BCAS3: variants seen among roughly 807,000 people sequenced by gnomAD.
The protein encoded by BCAS3 is BCAS4/BCAS3 fusion.
BCAS3 carries 53 observed loss-of-function variants against 116.1 expected under a neutral mutation model. The observed-to-expected ratio is 0.46, with a 90% confidence interval of 0.37 to 0.57. BCAS3 has a LOEUF of 0.57. Among genes scored for constraint, BCAS3 ranks in the 20% least tolerant of loss-of-function variants. The pLI, the probability that BCAS3 is intolerant of heterozygous loss-of-function variation, is 0.00. For missense variants in BCAS3, 917 were observed against 1,165.4 expected, an observed-to-expected ratio of 0.79 and a Z score of 3.10; for synonymous variants, 391 against 408.2, an observed-to-expected ratio of 0.96 and a Z score of 0.51.
At chr17:61,335,094 G>A (rs925722973) in intron 22 of BCAS3, among the ~76,000 whole-genome samples, 3 of 152,226 alleles carry the variant, frequency 2.0e-5, no homozygotes, top group Non-Finnish European at 4.4e-5. Context: ...CCAGCTTTCA[G>A]CCTGGTGTCA....
chr17:60,707,229 G>A (rs2143989102), intron 4 of BCAS3, among the ~76,000 whole-genome samples: 1 of 152,122 alleles, frequency 6.6e-6, no homozygotes. Flanking sequence ...CCGACCTCAG[G>A]TGATCTGCCT....
At chr17:61,137,639 C>T (rs1029387896) in intron 22 of BCAS3, among the ~76,000 whole-genome samples, 20 of 152,188 alleles carry the variant, frequency 1.3e-4, no homozygotes, top group African/African-American at 4.8e-4. Flanking sequence ...CGTGGTGGCA[C>T]ACGCCTGTAA....
At position 61,088,836 on chromosome 17, in the gene BCAS3, C is replaced by T. The variant is rs188929579; in HGVS notation, c.2425+4272C>T. ...ATGCAGAGCAGACATCTTTATCAAA[C>T]TCTATTAAAGAAAACATTTTATAAA... On this transcript the variant is annotated intron_variant, in intron 22 of 23. Transcript: ENST00000407086. The surrounding 1 kb of genome is among the most constrained non-coding windows in gnomAD (Gnocchi z 4.2). Among the ~76,000 whole-genome samples, 4 of 152,196 alleles carry T rather than the reference C, an allele frequency of 2.6e-5. 1 individual carries two copies. Among genetic ancestry groups the T allele is most frequent in the Admixed American group, 2.6e-4 (4 of 15,294 alleles).
chr17:60,924,753 G>A (rs2059284611), intron 13 of BCAS3, among the ~76,000 whole-genome samples: 1 of 151,902 alleles, frequency 6.6e-6, no homozygotes, highest in African/African-American at 2.4e-5. Flanking sequence ...ATGCTGTTGA[G>A]TTACATGAAT....
rs1010158248 is a variant in BCAS3, at chr17:61,315,469, C to A, written c.2426-52858C>A. 6.6e-6 allele frequency among the ~76,000 whole-genome samples: 1 copy of A among 152,194 alleles called. No homozygotes were observed. Among genetic ancestry groups the A allele is most frequent in the Admixed American group, 6.5e-5 (1 of 15,274 alleles). ...GAGGGCATGCAGAGCAGTCTCGGAG[C>A]GGACGCTAGCTGGCAGCGGTGCCAT... On this transcript the variant is annotated intron_variant, in intron 22 of 23. Transcript: ENST00000407086. This position sits in a 1 kb window ranked among gnomAD's most constrained non-coding sequence, Gnocchi z 5.3.
intron 7 of BCAS3, among the ~76,000 whole-genome samples, chr17:60,826,539 GTAA>G (rs929022342): frequency 7.2e-5 from 11 of 152,114 alleles, no homozygotes; most frequent in Non-Finnish European, 1.3e-4. Context: ...AGCTGGTAAG[GTAA>G]AAAAGAAGAA....
At chr17:60,942,474 A>G (rs16944701) in intron 13 of BCAS3, among the ~76,000 whole-genome samples, 13,269 of 152,188 alleles carry the variant, frequency 0.087, 1,936 homozygotes, top group African/African-American at 0.3. Context: ...TATTGTTTGA[A>G]TAACAGTAAG....
chr17:60,791,404 A>G (rs2046756978), intron 6 of BCAS3, among the ~76,000 whole-genome samples: 1 of 152,202 alleles, frequency 6.6e-6, no homozygotes, highest in Non-Finnish European at 1.5e-5. Flanking sequence ...TCTGTATCCC[A>G]GCTCTTTGGG....
At position 61,388,761 on chromosome 17, in the gene BCAS3, A is replaced by T. The variant is rs1277607222; in HGVS notation, c.2594-3216A>T. On this transcript the variant is annotated intron_variant, in intron 23 of 23. Transcript: ENST00000407086. The surrounding 1 kb of genome is among the most constrained non-coding windows in gnomAD (Gnocchi z 6.5). ...TTGCTCGTAGGGCTGGGCGGCCGGG[A>T]TGACTTGGAGGGGGGAATCTGAGCA... 1 of 1,498,354 alleles carries T rather than the reference A, an allele frequency of 6.7e-7. No homozygotes were observed. Among genetic ancestry groups the T allele is most frequent in the African/African-American group, 1.4e-5 (1 of 71,816 alleles). 92.8% of individuals were successfully genotyped at this position (1,498,354 alleles called of 1,614,324 possible).
chr17:60,886,902 G>T (rs1407739887), intron 9 of BCAS3: 22 of 151,600 alleles, frequency 1.5e-4, no homozygotes, highest in African/African-American at 4.3e-4. Context: ...CTTTTTGTTT[G>T]TCTGTGCCCT....
At chr17:61,117,913 T>G (rs2075572261) in intron 22 of BCAS3, among the ~76,000 whole-genome samples, 1 of 152,248 alleles carries the variant, frequency 6.6e-6, no homozygotes. Flanking sequence ...ATTTTTTATG[T>G]GTTTCTAGCA....
intron 22 of BCAS3, among the ~76,000 whole-genome samples, chr17:61,164,331 G>A (rs2078354911): frequency 6.6e-6 from 1 of 152,098 alleles, no homozygotes; most frequent in African/African-American, 2.4e-5. Flanking sequence ...AATCTCCAAT[G>A]AAAAGGTGTT....
At position 61,104,112 on chromosome 17, in the gene BCAS3, A is replaced by T. The variant is rs1292424328; in HGVS notation, c.2425+19548A>T. ...AGAAAAAACTTTTCTAAAGTTACAA[A>T]TGGTTTCATTTACCAAAATGACTAT... On this transcript the variant is annotated intron_variant, in intron 22 of 23. Coordinates refer to ENST00000407086, the MANE Select transcript of BCAS3 (RefSeq NM_017679.5). The surrounding 1 kb of genome is among the most constrained non-coding windows in gnomAD (Gnocchi z 4.1). Among the ~76,000 whole-genome samples the T allele has an allele frequency of 5.3e-5, 8 of 152,166 alleles. No homozygotes were observed. The highest frequency in any genetic ancestry group is 5.2e-4 in the Admixed American group (8 of 15,278).
At position 61,194,740 on chromosome 17, in the gene BCAS3, C is replaced by CAAA. The variant is rs35551914; in HGVS notation, c.2425+110192_2425+110194dup. ...GGGCAACAAGAGCAAGACTCTGTCTCAAAAAAAAAAAAAAAAAAGATATAC... is the reference window on the plus strand; with the variant it reads ...GGGCAACAAGAGCAAGACTCTGTCTCAAAAAAAAAAAAAAAAAAAAAGATATAC... On this transcript the variant is annotated intron_variant, in intron 22 of 23. Transcript: ENST00000407086. 1.1e-4 allele frequency among the ~76,000 whole-genome samples: 13 copies of CAAA among 122,856 alleles called. No homozygotes were observed. In the South Asian group the frequency reaches 1.9e-3, roughly 18 times the overall value. 80.6% of individuals were successfully genotyped at this position (122,856 alleles called of 152,430 possible). A position where few individuals can be genotyped will look rare whatever the true frequency, so the allele number is the denominator to read the frequency against.
chr17:61,310,703 G>A (rs2054233663), intron 22 of BCAS3, among the ~76,000 whole-genome samples: 1 of 152,216 alleles, frequency 6.6e-6, no homozygotes, highest in African/African-American at 2.4e-5. Flanking sequence ...TGAGAGACAT[G>A]AAGGGGGGCA....
intron 7 of BCAS3, among the ~76,000 whole-genome samples, chr17:60,831,316 A>G (rs912531670): frequency 2.0e-5 from 3 of 151,998 alleles, no homozygotes; most frequent in Non-Finnish European, 4.4e-5. Context: ...AGCTGGGACT[A>G]CAGGCGCGTG....
At chr17:60,877,339 A>G (rs2055711047) in intron 9 of BCAS3, among the ~76,000 whole-genome samples, 1 of 152,158 alleles carries the variant, frequency 6.6e-6, no homozygotes, top group Non-Finnish European at 1.5e-5. Context: ...TCTCTCTCGT[A>G]TCTGCAGTAT....
At chr17:61,000,000 G>A (rs1278274600) in intron 15 of BCAS3, among the ~76,000 whole-genome samples, 1 of 152,128 alleles carries the variant, frequency 6.6e-6, no homozygotes, top group Non-Finnish European at 1.5e-5. Context: ...TTTGTATCCT[G>A]AAACTTTACT....
At chr17:60,989,908 A>G (rs1475966048) in intron 14 of BCAS3, 63 bp from the exon 15 acceptor site, 3 of 1,532,538 alleles carry the variant, frequency 2.0e-6, no homozygotes, top group Non-Finnish European at 2.7e-6. Context: ...GTGATGTGTG[A>G]TACTCTTAGA....
Sources: allele counts gnomAD v4.1 joint callset (sites outside exome capture counted in the v4.1 genomes callset), GRCh38; gene constraint gnomAD v4.1.1; non-coding constraint Gnocchi (gnomAD v3.1); transcripts MANE v1.5; gene names NCBI Gene and HGNC (gene_info 2026-07-23, HGNC 2026-07-21).